RXFP1: variants seen among roughly 807,000 people sequenced by gnomAD.
The protein encoded by RXFP1 is relaxin family peptide receptor 1.
In RXFP1, 73 loss-of-function variants were observed where a neutral mutation model predicts 89.8. The observed-to-expected ratio is 0.81, with a 90% CI of 0.67 to 0.99. RXFP1 has a LOEUF of 0.99. Among genes scored for constraint, RXFP1 ranks in the 50% least tolerant of loss-of-function variants. RXFP1 has a pLI of 0.00. For synonymous variants in RXFP1, 277 were observed against 305.5 expected (o/e 0.91, Z 0.97); for missense variants, 793 against 895.5 (o/e 0.89, Z 1.46).
intron 4 of RXFP1, 89 bp from the exon 5 acceptor site, chr4:158,604,979 A>G: frequency 1.5e-6 from 1 of 672,414 alleles, no homozygotes. Flanking sequence ...AGCTAGTACT[A>G]AAGTAAATAG....
At chr4:158,529,415 C>T (rs1370817831) in intron 1 of RXFP1, among the ~76,000 whole-genome samples, 21 of 151,904 alleles carry the variant, frequency 1.4e-4, no homozygotes, top group Admixed American at 1.2e-3. Context: ...CATGCCACCA[C>T]GCCCGGCTAA....
At chr4:158,607,939 A>ATTT in intron 5 of RXFP1, 33 bp from the exon 6 acceptor site, 5 of 1,406,522 alleles carry the variant, frequency 3.6e-6, no homozygotes, top group African/African-American at 3.0e-5. Context: ...ACTCTGCTTC[A>ATTT]TTTTTTTTTC....
chr4:158,583,825 C>T (rs925292634), intron 2 of RXFP1, among the ~76,000 whole-genome samples: 1 of 152,198 alleles, frequency 6.6e-6, no homozygotes, highest in African/African-American at 2.4e-5. Context: ...GCCTCAATTT[C>T]CTTTAAAGGA....
intron 5 of RXFP1, among the ~76,000 whole-genome samples, chr4:158,607,413 C>T (rs1326749910): frequency 6.6e-6 from 1 of 152,100 alleles, no homozygotes; most frequent in Non-Finnish European, 1.5e-5. Flanking sequence ...TTAATGAGAT[C>T]AAAATTGATT....
chr4:158,606,894 T>C (rs968489185), intron 5 of RXFP1, among the ~76,000 whole-genome samples: 4 of 152,180 alleles, frequency 2.6e-5, no homozygotes, highest in Non-Finnish European at 5.9e-5. Context: ...ATAAATTTTA[T>C]AATAACATTT....
intron 2 of RXFP1, among the ~76,000 whole-genome samples, chr4:158,581,102 T>A (rs539957852): frequency 6.6e-6 from 1 of 152,338 alleles, no homozygotes; most frequent in South Asian, 2.1e-4. Flanking sequence ...TGCATGACTA[T>A]TTGTGACACT....
chr4:158,572,967 T>TA, intron 2 of RXFP1, 132 bp downstream of exon 2: 1 of 1,309,506 alleles, frequency 7.6e-7, no homozygotes, highest in Admixed American at 2.7e-5. Flanking sequence ...AAGGAAATCT[T>TA]ACACTTATTT....
At chr4:158,566,993 C>A (rs376714312) in intron 1 of RXFP1, among the ~76,000 whole-genome samples, 1 of 152,196 alleles carries the variant, frequency 6.6e-6, no homozygotes, top group African/African-American at 2.4e-5. Context: ...TGCAGGCCAG[C>A]GCCAGTTCCG....
intron 1 of RXFP1, among the ~76,000 whole-genome samples, chr4:158,561,626 C>CTTTTTTTTT (rs70962615): frequency 5.3e-3 from 596 of 112,498 alleles, no homozygotes; most frequent in African/African-American, 0.011. Flanking sequence ...TTCTTTTTTT[C>CTTTTTTTTT]TTTTTTTTTT....
chr4:158,600,394 G>A (rs1761463245), intron 4 of RXFP1, among the ~76,000 whole-genome samples: 1 of 152,138 alleles, frequency 6.6e-6, no homozygotes, highest in African/African-American at 2.4e-5. Flanking sequence ...GGTGGCCAGG[G>A]AATATGAACT....
At chr4:158,569,757 G>A (rs970271042) in intron 1 of RXFP1, among the ~76,000 whole-genome samples, 1 of 152,078 alleles carries the variant, frequency 6.6e-6, no homozygotes, top group South Asian at 2.1e-4. Context: ...CCTAACCAGA[G>A]ATACAAACAA....
At chr4:158,608,068 G>T (rs749578432) in intron 6 of RXFP1, 25 bp downstream of exon 6, 2 of 1,492,176 alleles carry the variant, frequency 1.3e-6, no homozygotes, top group African/African-American at 2.8e-5. Flanking sequence ...GAATTAATTT[G>T]CCCATTCCAT....
Position 158,607,874 on chromosome 4 carries a change from A to G in RXFP1, c.465-98A>G, listed in dbSNP as rs1484588739. 37 of 739,358 alleles carry G rather than the reference A, an allele frequency of 5.0e-5. No individual in the cohort carries two copies. The Middle Eastern group carries it at 1.0e-3, about 21-fold the overall frequency. 45.8% of individuals were successfully genotyped at this position (739,358 alleles called of 1,614,324 possible). On this transcript the variant is annotated intron_variant, in intron 5 of 17. Coordinates refer to ENST00000307765, the MANE Select transcript of RXFP1 (RefSeq NM_021634.4). ...AGGCATTAAGCACATTCATATTGCT[A>G]TGCTACCATCACCATCATCCATCCA... is the stretch of plus-strand genomic sequence containing the variant.
At chr4:158,599,005 C>G (rs1419991577) in intron 3 of RXFP1, among the ~76,000 whole-genome samples, 2 of 150,916 alleles carry the variant, frequency 1.3e-5, no homozygotes, top group Non-Finnish European at 3.0e-5. Context: ...GCAGACTGTT[C>G]TCCATTCATT....
chr4:158,646,600 A>C, intron 15 of RXFP1, 191 bp from the exon 16 acceptor site: 1 of 1,402,618 alleles, frequency 7.1e-7, no homozygotes, highest in South Asian at 1.7e-5. Flanking sequence ...AGTAACTTTG[A>C]GAGTGGTTAC....
rs747858099 is a variant in RXFP1 at position 158,626,850 on chromosome 4, A to C, written c.786A>C (p.Leu262Phe). ...TTGAAGGCAACCATATCCATAATTTAAGAAATTTGACTTTTATTTCCTGCA... is the reference window on the plus strand; with the variant it reads ...TTGAAGGCAACCATATCCATAATTTCAGAAATTTGACTTTTATTTCCTGCA... ...LDLEGNHIHN[L>F]RNLTFISCSN... The change falls in exon 10 of 18, where the codon TTA becomes TTC. Residue 262 changes from leucine (L) to phenylalanine (F), a missense_variant. Leu to Phe is a conservative substitution (Grantham distance 22). Coordinates refer to ENST00000307765, the MANE Select transcript of RXFP1 (RefSeq NM_021634.4). 6.4e-7 allele frequency: 1 copy of C among 1,565,474 alleles called. No homozygotes were observed. The highest frequency in any genetic ancestry group is 8.7e-7 in the Non-Finnish European group (1 of 1,148,530).
chr4:158,607,101 A>G, intron 5 of RXFP1: 5 of 1,536,032 alleles, frequency 3.3e-6, no homozygotes, highest in Non-Finnish European at 3.5e-6. Flanking sequence ...GCAGCCTTGA[A>G]ATCCTTACTT....
chr4:158,581,730 C>T (rs1757393700), intron 2 of RXFP1, among the ~76,000 whole-genome samples: 1 of 152,170 alleles, frequency 6.6e-6, no homozygotes, highest in African/African-American at 2.4e-5. Flanking sequence ...CATTGATGCA[C>T]TGCATCAATT....
At chr4:158,626,644 A>C (rs1766901554) in intron 9 of RXFP1, among the ~76,000 whole-genome samples, 176 bp from the exon 10 acceptor site, 1 of 152,070 alleles carries the variant, frequency 6.6e-6, no homozygotes, top group Admixed American at 6.6e-5. Flanking sequence ...AAAGTGTATA[A>C]TATAGATATT....
Sources: gnomAD v4.1 joint callset for allele counts (sites outside exome capture counted in the v4.1 genomes callset) on GRCh38, gnomAD v4.1.1 for gene constraint, MANE v1.5 for transcripts, NCBI Gene and HGNC (gene_info 2026-07-23, HGNC 2026-07-21) for gene names.